DPP6: variants seen among roughly 807,000 people sequenced by gnomAD.
DPP6 encodes A-type potassium channel modulatory protein DPP6.
Under a neutral mutation model 122.6 loss-of-function variants are expected in DPP6, and 69 were observed. The ratio of observed to expected loss-of-function variants is 0.56; its 90% CI spans 0.46 to 0.69. The LOEUF is 0.69. DPP6 is among the 30% of genes least tolerant of loss of function. The pLI is 0.00. For missense variants in DPP6, 928 were observed against 1,116.9 expected, an observed-to-expected ratio of 0.83 and a Z score of 2.41; for synonymous variants, 418 against 433.1, an observed-to-expected ratio of 0.97 and a Z score of 0.43.
At chr7:153,877,418 T>A in the DPP6 span, among the ~76,000 whole-genome samples, 1 of 152,174 alleles carries the variant, frequency 6.6e-6, no homozygotes, top group African/African-American at 2.4e-5. Flanking sequence ...GTACCATACA[T>A]AATTGTATCG....
chr7:154,311,654 C>G (rs1806900646), intron 1 of DPP6, among the ~76,000 whole-genome samples: 1 of 152,186 alleles, frequency 6.6e-6, no homozygotes, highest in Non-Finnish European at 1.5e-5. Context: ...GGTCTCAACA[C>G]ACACAGCCCA....
intron 5 of DPP6, among the ~76,000 whole-genome samples, chr7:154,616,137 T>A (rs1050410517): frequency 1.3e-5 from 2 of 152,128 alleles, no homozygotes; most frequent in Admixed American, 6.5e-5. Context: ...TAATTTGGCG[T>A]TATCAGAGTC....
intron 1 of DPP6, among the ~76,000 whole-genome samples, chr7:154,310,257 T>C (rs6944113): frequency 0.21 from 31,707 of 152,060 alleles, 4,449 homozygotes; most frequent in African/African-American, 0.4. Flanking sequence ...GGAGGGATGT[T>C]TTGCTTGTTA....
intron 1 of DPP6, among the ~76,000 whole-genome samples, chr7:153,965,659 C>T (rs541689286): frequency 6.6e-6 from 1 of 152,088 alleles, no homozygotes; most frequent in South Asian, 2.1e-4. Flanking sequence ...ACTACAGGCG[C>T]CCACCACCAC....
chr7:153,938,095 A>G (rs1423893737), intron 1 of DPP6, among the ~76,000 whole-genome samples: 1 of 152,144 alleles, frequency 6.6e-6, no homozygotes, highest in Non-Finnish European at 1.5e-5. Flanking sequence ...TTTCTCTCTG[A>G]AGAATATGAT....
In DPP6 at chr7:154,821,071, A is replaced by G. The variant is rs1222971745; in HGVS notation, c.1666+13959A>G. 6.6e-6 allele frequency among the ~76,000 whole-genome samples: 1 copy of G among 152,076 alleles called. No homozygotes were observed. Among genetic ancestry groups the G allele is most frequent in the Non-Finnish European group, 1.5e-5 (1 of 68,014 alleles). ...GCCCTTCTGGCTACTGTACTTCAAG[A>G]TGTTCTCTGCAGAGGGTCATTTGGA... On this transcript the variant is annotated intron_variant, in intron 16 of 25. Coordinates refer to ENST00000377770, the MANE Select transcript of DPP6 (RefSeq NM_130797.4). The surrounding 1 kb of genome is among the most constrained non-coding windows in gnomAD (Gnocchi z 4.2).
chr7:154,319,610 G>A (rs1235011631), intron 1 of DPP6, among the ~76,000 whole-genome samples: 4 of 152,104 alleles, frequency 2.6e-5, no homozygotes, highest in Admixed American at 2.0e-4. Flanking sequence ...TGGGAGAATC[G>A]CTTGAACCCA....
intron 1 of DPP6, among the ~76,000 whole-genome samples, chr7:154,240,232 A>G (rs150548277): frequency 2.0e-5 from 3 of 152,092 alleles, no homozygotes; most frequent in Non-Finnish European, 2.9e-5. Context: ...TTTATGTCCA[A>G]TGGGGTAATT....
rs144116215 is a variant in DPP6 at position 153,905,303 on chromosome 7, G to A, written c.51+17569G>A. 1.9e-3 allele frequency among the ~76,000 whole-genome samples: 288 copies of A among 152,264 alleles called. 2 individuals carry two copies. Among genetic ancestry groups the A allele is most frequent in the African/African-American group, 6.4e-3 (266 of 41,552 alleles). On this transcript the variant is annotated intron_variant, in intron 1 of 25. Coordinates refer to the DPP6 transcript ENST00000404039. ...GGGAGAGAGGATCCTAGTTTCTCTG[G>A]CCAGCCTCGGGAGAAAATGAGGGGC...
At chr7:154,381,466 T>C (rs1215870106) in intron 1 of DPP6, among the ~76,000 whole-genome samples, 1 of 152,182 alleles carries the variant, frequency 6.6e-6, no homozygotes, top group Non-Finnish European at 1.5e-5. Flanking sequence ...TGTATAGCTG[T>C]GTGAGAGGAT....
chr7:153,774,782 G>C, the DPP6 span, among the ~76,000 whole-genome samples: 2 of 152,072 alleles, frequency 1.3e-5, no homozygotes, highest in African/African-American at 4.8e-5. Context: ...CTGGGCAACA[G>C]AGCAAGACGT....
At chr7:154,392,036 G>A (rs773811419) in intron 1 of DPP6, among the ~76,000 whole-genome samples, 17 of 152,328 alleles carry the variant, frequency 1.1e-4, no homozygotes, top group Middle Eastern at 3.4e-3. Flanking sequence ...CACTTTGGGA[G>A]GCTGAGGCAG....
At chr7:153,808,658 A>G in the DPP6 span, among the ~76,000 whole-genome samples, 3 of 152,024 alleles carry the variant, frequency 2.0e-5, no homozygotes, top group Admixed American at 6.5e-5. Flanking sequence ...AAGATCATGC[A>G]GTGTTTATCT....
rs549850744 is a variant in DPP6 at position 154,392,194 on chromosome 7, A to G, written c.244-54020A>G. 5.9e-5 allele frequency among the ~76,000 whole-genome samples: 9 copies of G among 152,134 alleles called. No homozygotes were observed. The East Asian group carries it at 1.7e-3, about 30-fold the overall frequency. ...AGGCTGAGACAGGAGAATCGCTTGA[A>G]CCTGGGAGGCGGAGGTTGCAGTGAG... On this transcript the variant is annotated intron_variant, in intron 1 of 25. Coordinates refer to ENST00000377770, the MANE Select transcript of DPP6 (RefSeq NM_130797.4).
intron 16 of DPP6, among the ~76,000 whole-genome samples, chr7:154,825,317 C>T (rs903262184): frequency 1.3e-4 from 20 of 152,200 alleles, no homozygotes; most frequent in Admixed American, 1.3e-3. Flanking sequence ...TTAAACTGCT[C>T]TGTATGTAAG....
chr7:154,128,990 C>T (rs1055343076), intron 1 of DPP6, among the ~76,000 whole-genome samples: 2 of 152,124 alleles, frequency 1.3e-5, no homozygotes, highest in Non-Finnish European at 2.9e-5. Flanking sequence ...GTCAGTTGAG[C>T]TTTGCATCTT....
At chr7:153,774,299 A>C in the DPP6 span, among the ~76,000 whole-genome samples, 5 of 152,184 alleles carry the variant, frequency 3.3e-5, no homozygotes, top group Non-Finnish European at 7.3e-5. Flanking sequence ...TGTCCTTTTC[A>C]CCGGAAGGTA....
At chr7:154,179,411 G>T (rs548245334) in intron 1 of DPP6, among the ~76,000 whole-genome samples, 1 of 152,226 alleles carries the variant, frequency 6.6e-6, no homozygotes, top group South Asian at 2.1e-4. Context: ...AGAAAGTATG[G>T]GTCTTAGAAT....
chr7:154,656,609 GAGA>G (rs1411608441), intron 6 of DPP6, among the ~76,000 whole-genome samples: 2 of 152,324 alleles, frequency 1.3e-5, no homozygotes, highest in East Asian at 1.9e-4. Flanking sequence ...AGGGACAGGA[GAGA>G]AGGTCAGAAA....
Sources: gnomAD v4.1 joint callset for allele counts (sites outside exome capture counted in the v4.1 genomes callset) on GRCh38, gnomAD v4.1.1 for gene constraint, Gnocchi (gnomAD v3.1) non-coding constraint, MANE v1.5 for transcripts, NCBI Gene and HGNC (gene_info 2026-07-23, HGNC 2026-07-21) for gene names.